The following HYDIN variants were observed in gnomAD, a reference collection of about 807,000 sequenced individuals.
HYDIN encodes axonemal central pair apparatus protein HYDIN.
Under a neutral mutation model 403.9 loss-of-function variants are expected in HYDIN, and 132 were observed. The ratio of observed to expected loss-of-function variants is 0.33; its 90% CI spans 0.28 to 0.38. The LOEUF is 0.38. Ranked by LOEUF, HYDIN falls within the 10% of genes least tolerant of loss-of-function variation. HYDIN has a pLI of 1.00. For missense variants in HYDIN, 2,827 were observed against 5,009.5 expected (o/e 0.56, Z 13.15); for synonymous variants, 1,202 against 1,891.7 (o/e 0.64, Z 9.46).
intron 9 of HYDIN, among the ~76,000 whole-genome samples, chr16:71,118,175 G>A (rs1019358176): frequency 1.5e-4 from 23 of 151,992 alleles, no homozygotes; most frequent in Non-Finnish European, 2.8e-4. Flanking sequence ...CTGCAGTCAC[G>A]GCCCACACCT....
intron 56 of HYDIN, among the ~76,000 whole-genome samples, chr16:70,892,155 C>T (rs2041506813): frequency 6.7e-6 from 1 of 149,270 alleles, no homozygotes; most frequent in South Asian, 2.1e-4. Context: ...CCCCAAAGAC[C>T]TGGGGGCACA....
intron 64 of HYDIN, among the ~76,000 whole-genome samples, chr16:70,872,479 C>A (rs1304647853): frequency 6.6e-6 from 1 of 150,444 alleles, no homozygotes; most frequent in Non-Finnish European, 1.5e-5. Flanking sequence ...CATCCATTAT[C>A]CACCCATCCA....
chr16:71,227,536 C>A (rs1264950792), intron 1 of HYDIN, among the ~76,000 whole-genome samples: 2 of 151,954 alleles, frequency 1.3e-5, no homozygotes, highest in African/African-American at 4.8e-5. Flanking sequence ...AAACAGAGAG[C>A]CAAATCATGA....
intron 18 of HYDIN, among the ~76,000 whole-genome samples, chr16:71,052,997 CAAAG>C (rs772668492): frequency 1.3e-5 from 2 of 150,954 alleles, no homozygotes; most frequent in African/African-American, 4.9e-5. Context: ...AACTTCATTA[CAAAG>C]AAAGGGCTAG....
chr16:71,211,436 C>T lies in HYDIN; in HGVS notation c.-24+19126G>A, dbSNP rs747758721. Among the ~76,000 whole-genome samples, 8 of 151,064 alleles carry T rather than the reference C, an allele frequency of 5.3e-5. No homozygotes were observed. In the East Asian group the frequency reaches 5.9e-4, roughly 11 times the overall value. On this transcript the variant is annotated intron_variant, in intron 1 of 85. Transcript: ENST00000393567. ...CGGGCGGATCACGAGGTCAGGAGATCGAGACCATCCTGGCTAACAAGGTGA... is the reference window on the plus strand; with the variant it reads ...CGGGCGGATCACGAGGTCAGGAGATTGAGACCATCCTGGCTAACAAGGTGA...
At chr16:70,862,914 G>C (rs1314119155) in intron 68 of HYDIN, among the ~76,000 whole-genome samples, 171 bp downstream of exon 68, 1 of 152,034 alleles carries the variant, frequency 6.6e-6, no homozygotes, top group Non-Finnish European at 1.5e-5. Flanking sequence ...GTGGAGGTAA[G>C]TTTTGGAGTC....
At chr16:71,204,364 A>G (rs904457147) in intron 1 of HYDIN, among the ~76,000 whole-genome samples, 5 of 152,196 alleles carry the variant, frequency 3.3e-5, no homozygotes, top group East Asian at 3.9e-4. Flanking sequence ...CATGGCTCCA[A>G]CTGAAATCAA....
At chr16:70,893,689 T>G (rs1387367303) in intron 55 of HYDIN, 2 of 151,502 alleles carry the variant, frequency 1.3e-5, no homozygotes, top group Admixed American at 1.3e-4. Flanking sequence ...CCTAGCTAAC[T>G]TTTTTTGTAT....
At chr16:70,942,011 CTTTT>C (rs143927561) in intron 42 of HYDIN, among the ~76,000 whole-genome samples, 192 bp from the exon 43 acceptor site, 2 of 93,408 alleles carry the variant, frequency 2.1e-5, no homozygotes. Context: ...ATCAGCCAGT[CTTTT>C]TTTTTTTTTT....
intron 12 of HYDIN, among the ~76,000 whole-genome samples, chr16:71,083,768 C>T (rs1236568550): frequency 6.6e-6 from 1 of 151,456 alleles, no homozygotes; most frequent in Non-Finnish European, 1.5e-5. Flanking sequence ...ACTCTCTGTC[C>T]AGCCGAGGTC....
At chr16:71,198,317 G>T (rs2087808176) in intron 1 of HYDIN, among the ~76,000 whole-genome samples, 1 of 152,110 alleles carries the variant, frequency 6.6e-6, no homozygotes, top group Non-Finnish European at 1.5e-5. Context: ...ATTCTATGAT[G>T]CTATGAACAT....
chr16:71,170,489 G>A (rs2086419454), intron 5 of HYDIN, among the ~76,000 whole-genome samples: 1 of 152,054 alleles, frequency 6.6e-6, no homozygotes, highest in South Asian at 2.1e-4. Context: ...TCAGTTACAG[G>A]CAACAGGCAG....
Position 70,943,929 on chromosome 16 carries a change from G to C in HYDIN, c.6552C>G (p.Pro2184=), listed in dbSNP as rs368359335. The change falls in exon 42 of 86, where the codon CCC becomes CCG. Residue 2184 remains proline, a synonymous_variant. Transcript: ENST00000393567. ...TGAGCCAGCGGTGGATGGGCCCCGG[G>C]GGGAGAGGGCTGGAGGAAATCTGTT... ...ETPQISSSPL[P]PGPIHRWLSV... is the part of the protein sequence containing the mutation. The C allele has an allele frequency of 1.6e-5, 26 of 1,610,944 alleles. No homozygotes were observed. The highest frequency in any genetic ancestry group is 1.6e-4 in the Middle Eastern group (1 of 6,082).
Position 70,807,386 on chromosome 16 carries a change from T to A in HYDIN, c.*194A>T, listed in dbSNP as rs924967731. ...TTGTCTAAAATATAGAGCTGTTGTG[T>A]GTAGTTATAATGTTTAATATGGAAT... On this transcript the variant is annotated 3_prime_UTR_variant, in exon 86 of 86. Coordinates refer to ENST00000393567, the MANE Select transcript of HYDIN (RefSeq NM_001270974.2). 1.3e-5 allele frequency: 8 copies of A among 596,358 alleles called. No individual in the cohort carries two copies. The Admixed American group carries it at 2.4e-4, about 18-fold the overall frequency. The allele number at this position is 596,358 out of a possible 1,614,324, so 36.9% of individuals were successfully genotyped here.
chr16:70,847,701 C>A (rs978852498), intron 75 of HYDIN, among the ~76,000 whole-genome samples: 1 of 151,584 alleles, frequency 6.6e-6, no homozygotes, highest in Non-Finnish European at 1.5e-5. Context: ...AGCCATTAAT[C>A]CTTCTGCCTT....
chr16:70,804,364 T>C lies in HYDIN; in HGVS notation c.*3216A>G, dbSNP rs991592412. Among the ~76,000 whole-genome samples, 2 of 152,150 alleles carry C rather than the reference T, an allele frequency of 1.3e-5. No individual in the cohort carries two copies. The highest frequency in any genetic ancestry group is 2.4e-5 in the African/African-American group (1 of 41,428). ...GGGGATGCAGCAGAGAAAGTGATGA[T>C]CAAAGGTCACTGAGTGATGAGATGG... On this transcript the variant is annotated 3_prime_UTR_variant, in exon 86 of 86. Coordinates refer to ENST00000393567, the MANE Select transcript of HYDIN (RefSeq NM_001270974.2).
intron 10 of HYDIN, among the ~76,000 whole-genome samples, chr16:71,100,153 G>T (rs113218692): frequency 1.3e-5 from 2 of 151,672 alleles, no homozygotes; most frequent in Non-Finnish European, 2.9e-5. Context: ...TATAAGGTAC[G>T]TAAAAATAAA....
intron 5 of HYDIN, among the ~76,000 whole-genome samples, chr16:71,163,221 C>T (rs1464149203): frequency 6.7e-6 from 1 of 149,470 alleles, no homozygotes; most frequent in East Asian, 2.0e-4. Context: ...CTCCCGGGTT[C>T]ACGCCATTCT....
chr16:71,200,780 G>A (rs865800251), intron 1 of HYDIN, among the ~76,000 whole-genome samples: 6 of 152,286 alleles, frequency 3.9e-5, no homozygotes, highest in African/African-American at 1.4e-4. Context: ...CTTTCAGAAA[G>A]AGTCTTGATC....
Sources: allele counts gnomAD v4.1 joint callset (sites outside exome capture counted in the v4.1 genomes callset), GRCh38; gene constraint gnomAD v4.1.1; transcripts MANE v1.5; gene names NCBI Gene and HGNC (gene_info 2026-07-23, HGNC 2026-07-21).